BRI3BP: variants seen among roughly 807,000 people sequenced by gnomAD.
The protein encoded by BRI3BP is BRI3-binding protein.
Under a neutral mutation model 15.8 loss-of-function variants are expected in BRI3BP, and 7 were observed. That is an observed-to-expected ratio of 0.44 (90% confidence interval 0.25 to 0.83). The LOEUF is 0.83. BRI3BP is among the 40% of genes least tolerant of loss of function. BRI3BP has a pLI of 0.20. For synonymous variants in BRI3BP, 192 were observed against 163.5 expected (o/e 1.17, Z -1.33); for missense variants, 320 against 339.3 (o/e 0.94, Z 0.45).
chr12:124,994,119 G>A (rs1205499097), intron 1 of BRI3BP, 116 bp downstream of exon 1: 15 of 698,186 alleles, frequency 2.1e-5, no homozygotes, highest in Non-Finnish European at 2.6e-5. Context: ...CAGCGCGCGG[G>A]AAGAGGGGGT....
At chr12:124,995,429 C>T (rs1955032139) in intron 1 of BRI3BP, among the ~76,000 whole-genome samples, 4 of 152,172 alleles carry the variant, frequency 2.6e-5, no homozygotes. Context: ...CTGTCTTTTT[C>T]ACGCAGGGTG....
chr12:125,038,300 A>G, the BRI3BP span, among the ~76,000 whole-genome samples: 4 of 152,172 alleles, frequency 2.6e-5, no homozygotes, highest in Admixed American at 6.6e-5. Flanking sequence ...ATCAAAAAAC[A>G]AGGGAAGGGG....
chr12:125,004,415 T>C (rs1208320754), intron 1 of BRI3BP, among the ~76,000 whole-genome samples: 1 of 152,204 alleles, frequency 6.6e-6, no homozygotes, highest in Non-Finnish European at 1.5e-5. Flanking sequence ...AACGATCCTC[T>C]GGCCTTGGCC....
intron 2 of BRI3BP, among the ~76,000 whole-genome samples, chr12:125,016,549 G>A (rs1462552278): frequency 5.9e-5 from 9 of 151,638 alleles, no homozygotes; most frequent in African/African-American, 1.7e-4. Context: ...TAGGAGGGAC[G>A]AAGTCTCACT....
chr12:125,036,583 AC>A, the BRI3BP span, among the ~76,000 whole-genome samples: 1 of 101,680 alleles, frequency 9.8e-6, no homozygotes, highest in East Asian at 3.8e-4. Flanking sequence ...CAATGTTAAC[AC>A]AGGGCACTAT....
chr12:125,032,821 A>G (rs1038255684), downstream of BRI3BP, among the ~76,000 whole-genome samples: 1 of 152,168 alleles, frequency 6.6e-6, no homozygotes, highest in Non-Finnish European at 1.5e-5. Flanking sequence ...CATTCGAATT[A>G]AACACCATAG....
chr12:125,050,868 C>T, the BRI3BP span, among the ~76,000 whole-genome samples: 3 of 152,230 alleles, frequency 2.0e-5, no homozygotes, highest in Non-Finnish European at 2.9e-5. Context: ...TGTGTGTGCG[C>T]GCAAGTAAGA....
At chr12:125,000,373 G>A (rs1955079300) in intron 1 of BRI3BP, among the ~76,000 whole-genome samples, 1 of 147,972 alleles carries the variant, frequency 6.8e-6, no homozygotes, top group South Asian at 2.1e-4. Flanking sequence ...GAGTGCAGTG[G>A]CGCAATCTCG....
chr12:125,047,263 C>T, the BRI3BP span, among the ~76,000 whole-genome samples: 4 of 151,892 alleles, frequency 2.6e-5, no homozygotes, highest in African/African-American at 9.7e-5. Context: ...ATTCTCCTGC[C>T]TCAGCCTCCC....
At chr12:125,010,339 T>G (rs7976071) in intron 1 of BRI3BP, among the ~76,000 whole-genome samples, 21,285 of 152,142 alleles carry the variant, frequency 0.14, 1,579 homozygotes, top group Admixed American at 0.16. Flanking sequence ...TTTGAACCCA[T>G]GCAGTCGACA....
intron 2 of BRI3BP, among the ~76,000 whole-genome samples, chr12:125,019,953 C>CTTTTTTTTTT (rs71092263): frequency 2.7e-5 from 2 of 75,070 alleles, no homozygotes; most frequent in Admixed American, 1.8e-4. Flanking sequence ...CAACAACAGA[C>CTTTTTTTTTT]TTTTTTTTTT....
chr12:125,025,223 C>A lies in BRI3BP; in HGVS notation c.549C>A (p.Asn183Lys), dbSNP rs759006991. ...ACAAGTACGAGGGCGAGCCGGAGAA[C>A]GCGGTGCTGCCGCTGTGCTTCGTGG... The part of the protein sequence containing the change: ...ILHKYEGEPE[N>K]AVLPLCFVVA... The change falls in exon 3 of 3, where the codon AAC becomes AAA. Residue 183 changes from asparagine (N) to lysine (K), a missense_variant. By Grantham distance (94) the Asn-to-Lys change is moderately conservative. Coordinates refer to ENST00000341446, the MANE Select transcript of BRI3BP (RefSeq NM_080626.6). 1.9e-6 allele frequency: 3 copies of A among 1,614,018 alleles called. No homozygotes were observed. The highest frequency in any genetic ancestry group is 2.5e-6 in the Non-Finnish European group (3 of 1,180,046).
Position 125,025,084 on chromosome 12 carries a change from G to T in BRI3BP, c.410G>T (p.Trp137Leu), listed in dbSNP as rs1955338650. The part of the protein sequence containing the change: ...LLVGVVLLAY[W>L]FLSLTLGFTF... ...GTCGGCGTCGTCCTCCTGGCCTACT[G>T]GTTCTTGTCCCTGACCCTGGGCTTC... The change falls in exon 3 of 3, where the codon TGG (tryptophan) becomes TTG (leucine). Residue 137 changes from tryptophan to leucine, a missense_variant. By Grantham distance (61) the Trp-to-Leu change is moderately conservative. Transcript: ENST00000341446. 1 of 1,613,796 alleles carries T rather than the reference G, an allele frequency of 6.2e-7. No homozygotes were observed. The highest frequency in any genetic ancestry group is 8.5e-7 in the Non-Finnish European group (1 of 1,180,024).
chr12:124,998,124 CAA>C (rs35401601), intron 1 of BRI3BP, among the ~76,000 whole-genome samples: 337 of 126,856 alleles, frequency 2.7e-3, no homozygotes, highest in African/African-American at 4.1e-3. Context: ...AACTCCGTCT[CAA>C]AAAAAAAAAA....
At chr12:125,021,116 A>T (rs148269379) in intron 2 of BRI3BP, among the ~76,000 whole-genome samples, 1 of 152,168 alleles carries the variant, frequency 6.6e-6, no homozygotes, top group Non-Finnish European at 1.5e-5. Flanking sequence ...TCCCAAGTCA[A>T]CCACATTTAG....
Position 125,025,642 on chromosome 12 carries a change from G to A in BRI3BP, c.*212G>A. 1.9e-6 allele frequency: 1 copy of A among 535,278 alleles called. No homozygotes were observed. Among genetic ancestry groups the A allele is most frequent in the Non-Finnish European group, 3.2e-6 (1 of 308,890 alleles). 33.2% of individuals were successfully genotyped at this position (535,278 alleles called of 1,614,324 possible). A position where few individuals can be genotyped will look rare whatever the true frequency, so the allele number is the denominator to read the frequency against. On this transcript the variant is annotated 3_prime_UTR_variant, in exon 3 of 3. Transcript: ENST00000341446. The stretch of plus-strand genomic sequence containing the variant: ...ATTGACGTGGAACTACACACGAAGT[G>A]TAATTAGTGGGGGAAAAAATATTTT...
At chr12:125,033,811 C>T (rs538118221), downstream of BRI3BP, among the ~76,000 whole-genome samples, 137 of 150,932 alleles carry the variant, frequency 9.1e-4, 2 homozygotes, top group African/African-American at 2.5e-3. Context: ...GGTGAGATCT[C>T]GCCTCACTGC....
At chr12:125,039,549 C>T in the BRI3BP span, among the ~76,000 whole-genome samples, 2 of 152,122 alleles carry the variant, frequency 1.3e-5, no homozygotes, top group Non-Finnish European at 2.9e-5. Context: ...TCATCAACTT[C>T]GATTTTGAAA....
In BRI3BP at chr12:125,026,841, A is replaced by G. The variant is rs923690362; in HGVS notation, c.*1411A>G. 1 of 151,758 alleles carries G rather than the reference A, an allele frequency of 6.6e-6. No homozygotes were observed. Among genetic ancestry groups the G allele is most frequent in the African/African-American group, 2.4e-5 (1 of 41,222 alleles). 9.4% of individuals were successfully genotyped at this position (151,758 alleles called of 1,614,324 possible). A position where few individuals can be genotyped will look rare whatever the true frequency, so the allele number is the denominator to read the frequency against. On this transcript the variant is annotated 3_prime_UTR_variant, in exon 3 of 3. Coordinates refer to ENST00000341446, the MANE Select transcript of BRI3BP (RefSeq NM_080626.6). ...GGTGGTGGGTGCCTGTAGTCCAGCT[A>G]CTCAGGAGGCTGAGGCAGGAGAATT...
Sources: allele counts gnomAD v4.1 joint callset (sites outside exome capture counted in the v4.1 genomes callset), GRCh38; gene constraint gnomAD v4.1.1; transcripts MANE v1.5; gene names NCBI Gene and HGNC (gene_info 2026-07-23, HGNC 2026-07-21).